VAT1L: variants seen among roughly 807,000 people sequenced by gnomAD.
VAT1L encodes the protein putative NADPH-dependent quinone oxidoreductase VAT1L.
VAT1L carries 34 observed loss-of-function variants against 44.1 expected under a neutral mutation model. The ratio of observed to expected loss-of-function variants is 0.77; its 90% CI spans 0.59 to 1.03. The LOEUF (loss-of-function observed/expected upper bound fraction) is 1.03, where lower values mean the gene tolerates loss of function less well. Among genes scored for constraint, VAT1L ranks in the 50% least tolerant of loss-of-function variants. VAT1L has a pLI of 0.00. For synonymous variants in VAT1L, 253 were observed against 202.2 expected (o/e 1.25, Z -2.13); for missense variants, 615 against 538.8 (o/e 1.14, Z -1.40).
chr16:77,936,972 C>T (rs1307030367), intron 7 of VAT1L, among the ~76,000 whole-genome samples: 1 of 152,192 alleles, frequency 6.6e-6, no homozygotes, highest in Admixed American at 6.5e-5. Flanking sequence ...GCATCCTCCA[C>T]CTACCGGGTT....
Position 77,879,470 on chromosome 16 carries a change from T to C in VAT1L, c.882+246T>C, listed in dbSNP as rs1159479751. ...CATACCCAGCTAATTTTTGTATTTG[T>C]AGTAGAGACGGGGTTTCACCGTGTT... is the stretch of plus-strand genomic sequence containing the variant. On this transcript the variant is annotated intron_variant, in intron 6 of 8. Transcript: ENST00000302536. This position sits in a 1 kb window ranked among gnomAD's most constrained non-coding sequence, Gnocchi z 4.1. Among the ~76,000 whole-genome samples, 3 of 152,142 alleles carry C rather than the reference T, an allele frequency of 2.0e-5. No homozygotes were observed. The highest frequency in any genetic ancestry group is 4.4e-5 in the Non-Finnish European group (3 of 68,042).
intron 2 of VAT1L, among the ~76,000 whole-genome samples, chr16:77,823,639 A>G (rs140291557): frequency 6.2e-4 from 95 of 152,336 alleles, no homozygotes; most frequent in African/African-American, 2.3e-3. Context: ...TTTCATGTAG[A>G]TTAACTGACA....
chr16:77,860,071 C>T (rs1339063973), intron 3 of VAT1L, among the ~76,000 whole-genome samples: 2 of 152,196 alleles, frequency 1.3e-5, no homozygotes, highest in East Asian at 1.9e-4. Flanking sequence ...CGTGGAGAGA[C>T]GCAGGGAGAA....
At chr16:77,853,965 T>C (rs1359507695) in intron 3 of VAT1L, among the ~76,000 whole-genome samples, 1 of 151,836 alleles carries the variant, frequency 6.6e-6, no homozygotes, top group Non-Finnish European at 1.5e-5. Flanking sequence ...CCACCTTTAC[T>C]AAAAATACAA....
At position 77,884,824 on chromosome 16, in the gene VAT1L, T is replaced by C. The variant is rs1449900827; in HGVS notation, c.1077+22T>C. 3 of 1,448,498 alleles carry C rather than the reference T, an allele frequency of 2.1e-6. No homozygotes were observed. The highest frequency in any genetic ancestry group is 3.0e-5 in the Admixed American group (1 of 33,650). The allele number at this position is 1,448,498 out of a possible 1,614,324, so 89.7% of individuals were successfully genotyped here. On this transcript the variant is annotated intron_variant, in intron 7 of 8. Coordinates refer to ENST00000302536, the MANE Select transcript of VAT1L (RefSeq NM_020927.3). The surrounding 1 kb of genome is among the most constrained non-coding windows in gnomAD (Gnocchi z 4.5). ...GGAGGTAAGAATGGTGCTTTTCTTC[T>C]GCAAATAAACTCCTCTTTTTAACTC...
At chr16:77,946,279 C>CTTTTTTTTTTTTTTTTT (rs66461822) in intron 7 of VAT1L, among the ~76,000 whole-genome samples, 2,490 of 70,340 alleles carry the variant, frequency 0.035, 876 homozygotes, top group East Asian at 0.072. Flanking sequence ...GTTACTTGTT[C>CTTTTTTTTTTTTTTTTT]TTTTTTTTTT....
intron 1 of VAT1L, among the ~76,000 whole-genome samples, 198 bp downstream of exon 1, chr16:77,789,113 AG>A (rs1409160459): frequency 6.6e-6 from 1 of 151,990 alleles, no homozygotes; most frequent in Non-Finnish European, 1.5e-5. Context: ...AGCCAGATCT[AG>A]GGGTGACGGG....
chr16:77,966,661 A>G (rs1427013784), intron 7 of VAT1L, among the ~76,000 whole-genome samples: 1 of 152,220 alleles, frequency 6.6e-6, no homozygotes, highest in Admixed American at 6.5e-5. Context: ...CATATTTTCA[A>G]AACTACAAAA....
intron 1 of VAT1L, among the ~76,000 whole-genome samples, chr16:77,802,448 C>T (rs961598445): frequency 3.1e-4 from 47 of 152,088 alleles, no homozygotes; most frequent in Non-Finnish European, 6.3e-4. Flanking sequence ...AAGCCCGTCT[C>T]TACTAAAAAT....
chr16:77,797,926 A>C (rs1330402802), intron 1 of VAT1L, among the ~76,000 whole-genome samples: 1 of 152,204 alleles, frequency 6.6e-6, no homozygotes, highest in Admixed American at 6.5e-5. Flanking sequence ...CATGGTATGA[A>C]AATGAGTGAA....
intron 1 of VAT1L, among the ~76,000 whole-genome samples, chr16:77,793,325 G>C (rs2015868799): frequency 6.6e-6 from 1 of 152,064 alleles, no homozygotes. Flanking sequence ...ATGTTGCTCA[G>C]GCTGGTTTCA....
chr16:77,923,745 C>G (rs1162741149), intron 7 of VAT1L, among the ~76,000 whole-genome samples: 1 of 152,124 alleles, frequency 6.6e-6, no homozygotes, highest in East Asian at 1.9e-4. Flanking sequence ...GGTGGCTTCA[C>G]ACAGTTTTTG....
intron 8 of VAT1L, among the ~76,000 whole-genome samples, chr16:77,974,296 A>C (rs1015206227): frequency 6.6e-6 from 1 of 152,156 alleles, no homozygotes; most frequent in Non-Finnish European, 1.5e-5. Flanking sequence ...AGTCTCTTTC[A>C]GTCCCATTTG....
At chr16:77,970,139 C>T (rs1004626504) in intron 7 of VAT1L, among the ~76,000 whole-genome samples, 5 of 150,396 alleles carry the variant, frequency 3.3e-5, no homozygotes, top group East Asian at 2.0e-4. Flanking sequence ...GGTAGGCTGA[C>T]GTGGGAGCAT....
At chr16:77,961,338 G>A (rs565940676) in intron 7 of VAT1L, among the ~76,000 whole-genome samples, 6 of 152,012 alleles carry the variant, frequency 3.9e-5, no homozygotes, top group South Asian at 2.1e-4. Context: ...ACCATGAACC[G>A]GGTTCAAGGG....
chr16:77,952,380 C>G (rs1334371438), intron 7 of VAT1L, among the ~76,000 whole-genome samples: 1 of 152,076 alleles, frequency 6.6e-6, no homozygotes, highest in African/African-American at 2.4e-5. Flanking sequence ...GAGCAGGTCC[C>G]TCATGAATGG....
chr16:77,875,422 C>T (rs2017077457), intron 4 of VAT1L, among the ~76,000 whole-genome samples: 1 of 152,182 alleles, frequency 6.6e-6, no homozygotes, highest in South Asian at 2.1e-4. Context: ...ATCCTGCAAA[C>T]TTGCAAACAC....
At chr16:77,949,068 T>C (rs2018007767) in intron 7 of VAT1L, among the ~76,000 whole-genome samples, 2 of 152,200 alleles carry the variant, frequency 1.3e-5, no homozygotes, top group African/African-American at 4.8e-5. Context: ...ATCATGACTG[T>C]GGCAGCAGGA....
At chr16:77,952,811 G>A (rs2018059303) in intron 7 of VAT1L, among the ~76,000 whole-genome samples, 1 of 134,558 alleles carries the variant, frequency 7.4e-6, no homozygotes, top group African/African-American at 2.9e-5. Flanking sequence ...GAGCCAAGAT[G>A]GTACCACTGC....
Sources: allele counts gnomAD v4.1 joint callset (sites outside exome capture counted in the v4.1 genomes callset), GRCh38; gene constraint gnomAD v4.1.1; non-coding constraint Gnocchi (gnomAD v3.1); transcripts MANE v1.5; gene names NCBI Gene and HGNC (gene_info 2026-07-23, HGNC 2026-07-21).